The following SLC15A5 variants were observed in gnomAD, a reference collection of about 807,000 sequenced individuals.
The protein encoded by SLC15A5 is Peptide/histidine transporter ENSP00000340402.
Under a neutral mutation model 56.1 loss-of-function variants are expected in SLC15A5, and 58 were observed. The ratio of observed to expected loss-of-function variants is 1.03; its 90% confidence interval spans 0.84 to 1.29. The LOEUF is 1.29. SLC15A5 is among the 50% of genes most tolerant of loss of function. The pLI, the probability that SLC15A5 is intolerant of heterozygous loss-of-function variation, is 0.00. For missense variants in SLC15A5, 681 were observed against 672.1 expected (o/e 1.01, Z -0.15); for synonymous variants, 264 against 250.5 (o/e 1.05, Z -0.51).
At chr12:16,218,063 A>G (rs996222405) in intron 6 of SLC15A5, among the ~76,000 whole-genome samples, 1 of 152,200 alleles carries the variant, frequency 6.6e-6, no homozygotes, top group Non-Finnish European at 1.5e-5. Flanking sequence ...GTTTATTATA[A>G]TATGATATTT....
chr12:16,266,659 A>T (rs1464806702), intron 2 of SLC15A5, among the ~76,000 whole-genome samples: 6 of 152,120 alleles, frequency 3.9e-5, no homozygotes, highest in South Asian at 2.1e-4. Context: ...TATCATCTAT[A>T]AAAAAAAGAA....
At position 16,257,723 on chromosome 12, in the gene SLC15A5, G is replaced by A. The variant is rs1864591236; in HGVS notation, c.732C>T (p.Asn244=). ...AVITLHMIYY[N]LIYQSEKRCS... ...TACGTTTTTCTGACTGATAAATTAG[G>A]TTGTAGTATATCATATGAAGAGTTA... Residue 244 remains asparagine, a synonymous_variant, in exon 3 of 9, where the codon AAC becomes AAT. Coordinates refer to ENST00000344941, the MANE Select transcript of SLC15A5 (RefSeq NM_001170798.1). 1.3e-6 allele frequency: 2 copies of A among 1,482,924 alleles called. No homozygotes were observed. Among genetic ancestry groups the A allele is most frequent in the African/African-American group, 1.4e-5 (1 of 69,722 alleles). 91.9% of individuals were successfully genotyped at this position (1,482,924 alleles called of 1,614,324 possible).
chr12:16,277,135 C>CACACACACAG (rs1316220597), intron 1 of SLC15A5, among the ~76,000 whole-genome samples, 190 bp downstream of exon 1: 1 of 151,504 alleles, frequency 6.6e-6, no homozygotes, highest in East Asian at 1.9e-4. Context: ...CTCTAACACA[C>CACACACACAG]ACACACACAC....
At chr12:16,205,555 T>TACACAC (rs1864007729) in intron 7 of SLC15A5, among the ~76,000 whole-genome samples, 1 of 10,430 alleles carries the variant, frequency 9.6e-5, no homozygotes, top group Admixed American at 1.4e-3. Flanking sequence ...TGTATATATA[T>TACACAC]ATATTCCATA....
chr12:16,257,920 A>G lies in SLC15A5; in HGVS notation c.585-50T>C, dbSNP rs149272895. The G allele has an allele frequency of 7.5e-4, 980 of 1,303,234 alleles. 18 individuals carry two copies. The East Asian group carries it at 0.014, about 19-fold the overall frequency. The allele number at this position is 1,303,234 out of a possible 1,614,324, so 80.7% of individuals were successfully genotyped here. A position where few individuals can be genotyped will look rare whatever the true frequency, so the allele number is the denominator to read the frequency against. On this transcript the variant is annotated intron_variant, in intron 2 of 8. Coordinates refer to ENST00000344941, the MANE Select transcript of SLC15A5 (RefSeq NM_001170798.1). ...TAAAAATACCATTGAATTGCTTTAG[A>G]TAACTATTGCTAATTTTAATGCTTC...
In SLC15A5 at chr12:16,277,671, G is replaced by A. The variant is rs1437298852; in HGVS notation, c.15C>T (p.Gly5=). The A allele has an allele frequency of 3.3e-6, 5 of 1,531,898 alleles. No individual in the cohort carries two copies. In the Admixed American group the frequency reaches 7.9e-5, roughly 24 times the overall value. 94.9% of individuals were successfully genotyped at this position (1,531,898 alleles called of 1,614,324 possible). A position where few individuals can be genotyped will look rare whatever the true frequency, so the allele number is the denominator to read the frequency against. ...GTACTTTCTCATCAGTTATGGTAAA[G>A]CCTGTAACAGACATGACTACCCTCC... MSVT[G]FTITDEKVHL... is the part of the protein sequence containing the mutation. The change falls in exon 1 of 9, where the codon GGC becomes GGT. Residue 5 remains glycine, a synonymous_variant. Transcript: ENST00000344941.
chr12:16,222,018 A>G (rs182749313), intron 6 of SLC15A5, among the ~76,000 whole-genome samples: 2 of 152,260 alleles, frequency 1.3e-5, no homozygotes, highest in African/African-American at 2.4e-5. Context: ...TGAGTCTGAC[A>G]CTATTAATTC....
intron 8 of SLC15A5, among the ~76,000 whole-genome samples, chr12:16,193,633 G>A (rs762368210): frequency 6.6e-6 from 1 of 151,880 alleles, no homozygotes; most frequent in African/African-American, 2.4e-5. Flanking sequence ...TTTCTGCTTC[G>A]TGACAGACAT....
intron 5 of SLC15A5, among the ~76,000 whole-genome samples, chr12:16,231,619 T>C (rs1864300801): frequency 6.6e-6 from 1 of 152,188 alleles, no homozygotes; most frequent in African/African-American, 2.4e-5. Flanking sequence ...ACAGTGAAAT[T>C]GTCAAGTCTC....
At chr12:16,191,481 C>A (rs1236399218) in intron 8 of SLC15A5, among the ~76,000 whole-genome samples, 3 of 152,026 alleles carry the variant, frequency 2.0e-5, no homozygotes, top group Non-Finnish European at 4.4e-5. Flanking sequence ...TGAACAGATA[C>A]ACCTTTGGGT....
intron 3 of SLC15A5, among the ~76,000 whole-genome samples, chr12:16,254,660 G>C (rs1011724401): frequency 1.3e-5 from 2 of 152,070 alleles, no homozygotes; most frequent in Non-Finnish European, 2.9e-5. Flanking sequence ...AAATATGAGG[G>C]TGCAAATGTC....
Position 16,272,573 on chromosome 12 carries a change from G to C in SLC15A5, c.572C>G (p.Ser191Cys). ...CAGTGCTACTTACCAGTTAAAAAAA[G>C]ACATCGTTTTTTGTGATCCATACTC... is the stretch of plus-strand genomic sequence containing the variant. ...LQEYGSQKTM[S>C]FFNWFYWLMN... The change falls in exon 2 of 9, where the codon TCT becomes TGT. Residue 191 changes from serine to cysteine, a missense_variant. Physicochemically the swap from Ser to Cys is moderately radical, Grantham distance 112. Transcript: ENST00000344941. 1 of 1,536,798 alleles carries C rather than the reference G, an allele frequency of 6.5e-7. No individual in the cohort carries two copies. Among genetic ancestry groups the C allele is most frequent in the Non-Finnish European group, 8.7e-7 (1 of 1,146,608 alleles).
chr12:16,211,789 CAGAGTT>C (rs1864083621), intron 7 of SLC15A5, among the ~76,000 whole-genome samples: 1 of 152,142 alleles, frequency 6.6e-6, no homozygotes, highest in Non-Finnish European at 1.5e-5. Context: ...TTAAAGCACT[CAGAGTT>C]AGAGATCCCA....
At chr12:16,275,152 T>C (rs1591664748) in intron 1 of SLC15A5, among the ~76,000 whole-genome samples, 1 of 152,002 alleles carries the variant, frequency 6.6e-6, no homozygotes. Flanking sequence ...ATGGGTGTGG[T>C]TGAACACAGA....
At chr12:16,248,101 G>A (rs966518941) in intron 3 of SLC15A5, among the ~76,000 whole-genome samples, 1 of 152,072 alleles carries the variant, frequency 6.6e-6, no homozygotes, top group Non-Finnish European at 1.5e-5. Flanking sequence ...AAACAGCTGG[G>A]TGTTGGTGAC....
intron 5 of SLC15A5, among the ~76,000 whole-genome samples, chr12:16,238,971 C>T (rs1864382326): frequency 6.9e-6 from 1 of 145,296 alleles, no homozygotes; most frequent in Admixed American, 7.0e-5. Flanking sequence ...GTATGTCCCT[C>T]AATGAAAAAA....
intron 6 of SLC15A5, among the ~76,000 whole-genome samples, chr12:16,217,787 TGA>T (rs556081835): frequency 2.0e-5 from 3 of 151,566 alleles, no homozygotes; most frequent in African/African-American, 2.4e-5. Context: ...GGAGAGGTGC[TGA>T]GAGAGAGAGA....
chr12:16,241,877 T>C (rs747788714), intron 4 of SLC15A5, among the ~76,000 whole-genome samples: 2 of 152,204 alleles, frequency 1.3e-5, no homozygotes, highest in African/African-American at 2.4e-5. Flanking sequence ...AGTGAAGCAA[T>C]ATTAATATAT....
At chr12:16,216,803 C>T (rs1215838372) in intron 7 of SLC15A5, 90 bp downstream of exon 7, 4 of 1,126,098 alleles carry the variant, frequency 3.6e-6, no homozygotes, top group African/African-American at 1.6e-5. Flanking sequence ...AAAAAGACTG[C>T]ACTGACAAAG....
Sources: allele counts gnomAD v4.1 joint callset (sites outside exome capture counted in the v4.1 genomes callset), GRCh38; gene constraint gnomAD v4.1.1; transcripts MANE v1.5; gene names NCBI Gene and HGNC (gene_info 2026-07-23, HGNC 2026-07-21).